METTL9: variants seen among roughly 807,000 people sequenced by gnomAD.
The protein encoded by METTL9 is protein-L-histidine N-pros-methyltransferase.
METTL9 carries 10 observed loss-of-function variants against 36.0 expected under a neutral mutation model. The observed-to-expected ratio is 0.28, with a 90% CI of 0.17 to 0.47. The LOEUF (loss-of-function observed/expected upper bound fraction) is 0.47, where lower values mean the gene tolerates loss of function less well. Ranked by LOEUF, METTL9 falls within the 20% of genes least tolerant of loss-of-function variation. The probability of loss-of-function intolerance (pLI) is 0.99; values close to 1 mark genes in which losing one functional copy is unlikely to be tolerated. For synonymous variants in METTL9, 175 were observed against 149.7 expected (o/e 1.17, Z -1.23); for missense variants, 246 against 383.5 (o/e 0.64, Z 3.00).
Position 21,655,335 on chromosome 16 carries a change from T to C in METTL9, c.860T>C (p.Ile287Thr). Residue 287 changes from isoleucine (I) to threonine (T), a missense_variant, in exon 5 of 5, where the codon ATC (isoleucine) becomes ACC (threonine). Ile to Thr is a moderately conservative substitution (Grantham distance 89). Around this residue, in one of 2 missense-constraint regions of METTL9, gnomAD observed 146 missense variants for 302.1 expected, o/e 0.48. Transcript: ENST00000358154. The stretch of plus-strand genomic sequence containing the variant: ...GTTTTCAGAAAAGCTGGTTTTGTTA[T>C]CGAAGCTTTCACCAGACTACCATAC... ...PEVFRKAGFV[I>T]EAFTRLPYLC... The C allele has an allele frequency of 6.2e-7, 1 of 1,614,254 alleles. No homozygotes were observed. Among genetic ancestry groups the C allele is most frequent in the Non-Finnish European group, 8.5e-7 (1 of 1,180,040 alleles).
intron 2 of METTL9, among the ~76,000 whole-genome samples, chr16:21,614,505 A>C (rs1446998171): frequency 6.6e-6 from 1 of 151,966 alleles, no homozygotes; most frequent in African/African-American, 2.4e-5. Context: ...CCTTACTTAA[A>C]ACTCTTCTGC....
chr16:21,619,684 C>T (rs1965646478), intron 3 of METTL9, among the ~76,000 whole-genome samples: 1 of 150,564 alleles, frequency 6.6e-6, no homozygotes. Flanking sequence ...GATCTGCCTG[C>T]CTTGGCCTCC....
rs75889169 is a variant in METTL9 at position 21,643,213 on chromosome 16, C to T, written c.752-12014C>T. 6.1e-3 allele frequency: 7,889 copies of T among 1,295,730 alleles called. 268 individuals are homozygous for T. In the East Asian group the frequency reaches 0.072, roughly 12 times the overall value. The allele number at this position is 1,295,730 out of a possible 1,614,324, so 80.3% of individuals were successfully genotyped here. On this transcript the variant is annotated intron_variant, in intron 4 of 4. Coordinates refer to ENST00000358154, the MANE Select transcript of METTL9 (RefSeq NM_016025.5). Reference sequence around the variant, plus strand: ...TTGGGAATATAAGCGATGATAACGACGCATCATCAGAACTTTTCTTGCTCT... The same window carrying T: ...TTGGGAATATAAGCGATGATAACGATGCATCATCAGAACTTTTCTTGCTCT...
At chr16:21,643,061 AT>A in intron 4 of METTL9, 2 of 1,564,202 alleles carry the variant, frequency 1.3e-6, no homozygotes, top group Non-Finnish European at 8.7e-7. Context: ...TTTTTTTGAC[AT>A]TTTACACTTA....
intron 4 of METTL9, among the ~76,000 whole-genome samples, chr16:21,637,519 C>T (rs557504204): frequency 9.9e-5 from 15 of 152,238 alleles, no homozygotes; most frequent in South Asian, 2.1e-4. Context: ...GGTCCCCACC[C>T]GACTCAGAAG....
chr16:21,646,634 G>A, intron 4 of METTL9: 1 of 209,950 alleles, frequency 4.8e-6, no homozygotes, highest in Non-Finnish European at 9.8e-6. Context: ...TGTGTTAGTG[G>A]ATGTTCGAGA....
chr16:21,636,807 G>A (rs1966107257), intron 4 of METTL9, among the ~76,000 whole-genome samples: 2 of 152,160 alleles, frequency 1.3e-5, no homozygotes, highest in Admixed American at 1.3e-4. Flanking sequence ...TGGCTGACAG[G>A]TGCCCAGTAT....
At chr16:21,643,807 A>G (rs2290613) in intron 4 of METTL9, among the ~76,000 whole-genome samples, 8,996 of 151,866 alleles carry the variant, frequency 0.059, 547 homozygotes, top group East Asian at 0.3. Flanking sequence ...TAGTAATCCT[A>G]ACACAATGGT....
intron 1 of METTL9, among the ~76,000 whole-genome samples, chr16:21,608,033 C>G (rs959944282): frequency 1.3e-5 from 2 of 152,080 alleles, no homozygotes; most frequent in Non-Finnish European, 2.9e-5. Flanking sequence ...CCTGTAATCC[C>G]AGCTGCTTGG....
chr16:21,647,541 T>A, intron 4 of METTL9: 1 of 1,554,726 alleles, frequency 6.4e-7, no homozygotes, highest in South Asian at 1.2e-5. Flanking sequence ...CACCTCACTT[T>A]GTGCTTTTAT....
intron 2 of METTL9, among the ~76,000 whole-genome samples, chr16:21,614,431 C>T (rs912795018): frequency 1.3e-5 from 2 of 152,110 alleles, no homozygotes; most frequent in African/African-American, 2.4e-5. Context: ...GTTAAAATTC[C>T]GTGCTCTAGA....
upstream of METTL9, chr16:21,599,496 G>C (rs1460425269): frequency 4.9e-6 from 6 of 1,214,766 alleles, no homozygotes; most frequent in African/African-American, 1.6e-5. The surrounding 1 kb of genome is among the most constrained non-coding windows in gnomAD (Gnocchi z 4.4). Context: ...AAGTGCTCCG[G>C]ATGGAAACTG....
chr16:21,600,405 T>C (rs1356176506), intron 1 of METTL9, among the ~76,000 whole-genome samples: 1 of 152,158 alleles, frequency 6.6e-6, no homozygotes, highest in Non-Finnish European at 1.5e-5. Context: ...CGCAAGCCAT[T>C]GAACTCTCCA....
intron 3 of METTL9, among the ~76,000 whole-genome samples, chr16:21,621,361 C>G (rs1292072104): frequency 2.0e-5 from 3 of 151,466 alleles, no homozygotes; most frequent in Non-Finnish European, 4.4e-5. Flanking sequence ...AAGTCTCGCT[C>G]CATCACCAGG....
chr16:21,622,596 T>C (rs1965731945), intron 3 of METTL9, among the ~76,000 whole-genome samples: 1 of 152,248 alleles, frequency 6.6e-6, no homozygotes, highest in Non-Finnish European at 1.5e-5. Context: ...ATTCCTGGGC[T>C]AATACGCAGT....
chr16:21,646,714 G>T (rs1966438208), intron 4 of METTL9: 1 of 294,010 alleles, frequency 3.4e-6, no homozygotes, highest in Admixed American at 4.7e-5. Context: ...GAGTGCAGTA[G>T]TGCGATCTCG....
Position 21,650,149 on chromosome 16 carries a change from A to G in METTL9, c.752-5078A>G, listed in dbSNP as rs889851986. On this transcript the variant is annotated intron_variant, in intron 4 of 4. Coordinates refer to ENST00000358154, the MANE Select transcript of METTL9 (RefSeq NM_016025.5). ...GGCAGCATTGTGAGTCCCTGTCTCT[A>G]TTAAAGGAATAGAGTCTGGACGTGC... Among the ~76,000 whole-genome samples the G allele has an allele frequency of 3.3e-5, 5 of 151,862 alleles. No individual in the cohort carries two copies. The East Asian group carries it at 5.8e-4, about 18-fold the overall frequency.
chr16:21,643,277 C>A, intron 4 of METTL9: 1 of 715,758 alleles, frequency 1.4e-6, no homozygotes, highest in South Asian at 1.6e-5. Context: ...TCCCCCAACA[C>A]ATATGTGCCT....
At chr16:21,651,240 A>G (rs984175135) in intron 4 of METTL9, among the ~76,000 whole-genome samples, 4 of 152,128 alleles carry the variant, frequency 2.6e-5, no homozygotes, top group Non-Finnish European at 5.9e-5. Flanking sequence ...CAAAAAAGCC[A>G]TATTGAAAGT....
Sources: gnomAD v4.1 joint callset for allele counts (sites outside exome capture counted in the v4.1 genomes callset) on GRCh38, gnomAD v4.1.1 for gene constraint, gnomAD v4.1.1 regional missense constraint, Gnocchi (gnomAD v3.1) non-coding constraint, MANE v1.5 for transcripts, NCBI Gene and HGNC (gene_info 2026-07-23, HGNC 2026-07-21) for gene names.